The following ATF7IP variants were observed in gnomAD, a reference collection of about 807,000 sequenced individuals.
ATF7IP encodes activating transcription factor 7-interacting protein 1.
ATF7IP carries 23 observed loss-of-function variants against 106.4 expected under a neutral mutation model. That is an observed-to-expected ratio of 0.22 (90% CI 0.16 to 0.31). The LOEUF (loss-of-function observed/expected upper bound fraction) is 0.31. Among genes scored for constraint, ATF7IP ranks in the 10% least tolerant of loss-of-function variants. The pLI is 1.00. For missense variants in ATF7IP, 1,334 were observed against 1,524.3 expected (o/e 0.88, Z 2.08); for synonymous variants, 542 against 539.0 (o/e 1.01, Z -0.08).
chr12:14,479,101 G>T (rs989159020), intron 12 of ATF7IP, among the ~76,000 whole-genome samples: 2 of 152,172 alleles, frequency 1.3e-5, no homozygotes, highest in African/African-American at 4.8e-5. Context: ...GGGCAACACA[G>T]TGAAACCCCG....
At chr12:14,387,421 A>T (rs897576794) in intron 1 of ATF7IP, among the ~76,000 whole-genome samples, 8 of 152,048 alleles carry the variant, frequency 5.3e-5, no homozygotes, top group African/African-American at 1.9e-4. Flanking sequence ...AAATATGTGT[A>T]TTTCAAAACA....
At chr12:14,490,698 T>C (rs1376891184) in intron 13 of ATF7IP, among the ~76,000 whole-genome samples, 2 of 152,142 alleles carry the variant, frequency 1.3e-5, no homozygotes, top group East Asian at 3.9e-4. Flanking sequence ...ATGAGGCCAT[T>C]GGTGCAGGCT....
chr12:14,488,669 C>G (rs564398802), intron 13 of ATF7IP, among the ~76,000 whole-genome samples: 132 of 152,282 alleles, frequency 8.7e-4, no homozygotes, highest in South Asian at 2.1e-3. Context: ...GCTTGTCAAC[C>G]TGAACCCATA....
Position 14,424,661 on chromosome 12 carries a change from C to G in ATF7IP, c.746C>G (p.Pro249Arg). The change falls in exon 2 of 15, where the codon CCA becomes CGA. Residue 249 changes from proline (P) to arginine (R), a missense_variant. Transcript: ENST00000261168. The part of the protein sequence containing the change: ...LASGAPASTD[P>R]ASDDLASGDL... Reference sequence around the variant, plus strand: ...TCTGGAGCACCAGCTTCCACTGATCCAGCCTCTGATGATCTGGCCTCTGGT... The same window carrying G: ...TCTGGAGCACCAGCTTCCACTGATCGAGCCTCTGATGATCTGGCCTCTGGT... 6.2e-7 allele frequency: 1 copy of G among 1,614,080 alleles called. No homozygotes were observed. Among genetic ancestry groups the G allele is most frequent in the Non-Finnish European group, 8.5e-7 (1 of 1,180,016 alleles).
Position 14,460,832 on chromosome 12 carries a change from A to C in ATF7IP, c.2496A>C (p.Pro832=). The change falls in exon 9 of 15, where the codon CCA becomes CCC. Residue 832 remains proline, a synonymous_variant. Coordinates refer to ENST00000261168, the MANE Select transcript of ATF7IP (RefSeq NM_018179.5). ...CAGTGAGTGGTCTTACCAAAAATCC[A>C]GTATCCTTGCCATCCTTGCCAAATC... ...PPTVSGLTKN[P]VSLPSLPNPT... 6.2e-7 allele frequency: 1 copy of C among 1,614,214 alleles called. No homozygotes were observed. The highest frequency in any genetic ancestry group is 8.5e-7 in the Non-Finnish European group (1 of 1,180,036).
Position 14,461,110 on chromosome 12 carries a change from A to G in ATF7IP, c.2774A>G (p.Asn925Ser). The change falls in exon 9 of 15, where the codon AAC becomes AGC. Residue 925 changes from asparagine (N) to serine (S), a missense_variant. This residue lies in a region of ATF7IP where 370 missense variants were observed against 401.2 expected (regional missense o/e 0.92). Transcript: ENST00000261168. ...AGTACTTCGTCTGCTGCAGAACAGAACAGCAATACCACCCCAAGAATTGGT... is the reference window on the plus strand; with the variant it reads ...AGTACTTCGTCTGCTGCAGAACAGAGCAGCAATACCACCCCAAGAATTGGT... ...AFSTSSAAEQ[N>S]SNTTPRIENQ... The G allele has an allele frequency of 6.2e-7, 1 of 1,613,088 alleles. No individual in the cohort carries two copies. The highest frequency in any genetic ancestry group is 1.1e-5 in the South Asian group (1 of 91,046).
intron 1 of ATF7IP, among the ~76,000 whole-genome samples, chr12:14,415,858 T>C: frequency 6.6e-6 from 1 of 152,178 alleles, no homozygotes; most frequent in Non-Finnish European, 1.5e-5. Context: ...CAGCAATATG[T>C]GCATAGGTTA....
At chr12:14,451,800 A>G (rs573688180) in intron 6 of ATF7IP, among the ~76,000 whole-genome samples, 40 of 152,258 alleles carry the variant, frequency 2.6e-4, no homozygotes, top group African/African-American at 7.9e-4. Flanking sequence ...AGAATTTTCT[A>G]TGTGCTCTTG....
intron 6 of ATF7IP, among the ~76,000 whole-genome samples, chr12:14,453,524 A>G (rs1943287804): frequency 6.6e-6 from 1 of 151,678 alleles, no homozygotes; most frequent in South Asian, 2.1e-4. Context: ...GTATTATGAT[A>G]CGTTTTTACA....
intron 10 of ATF7IP, among the ~76,000 whole-genome samples, chr12:14,468,493 T>A (rs1943918665): frequency 7.0e-6 from 1 of 143,226 alleles, no homozygotes; most frequent in Non-Finnish European, 1.5e-5. Context: ...AGAAGAAACT[T>A]AAAAAAAAAA....
At chr12:14,466,198 G>A (rs1943827180) in intron 9 of ATF7IP, 1 of 192,100 alleles carries the variant, frequency 5.2e-6, no homozygotes, top group Non-Finnish European at 1.1e-5. Context: ...AACATAGTGT[G>A]GAGGAATTAT....
At position 14,456,504 on chromosome 12, in the gene ATF7IP, T is replaced by A. The variant is rs1025255592; in HGVS notation, c.1996-57T>A. On this transcript the variant is annotated intron_variant, in intron 6 of 14. Transcript: ENST00000261168. ...GGCATCTACAGGTCTAATTTTTTTTTAAAGATTCCCTGTGTGTTGAGTTTT... is the reference window on the plus strand; with the variant it reads ...GGCATCTACAGGTCTAATTTTTTTTAAAAGATTCCCTGTGTGTTGAGTTTT... 8 of 1,276,478 alleles carry A rather than the reference T, an allele frequency of 6.3e-6. No homozygotes were observed. The East Asian group carries it at 7.0e-5, about 11-fold the overall frequency. The allele number at this position is 1,276,478 out of a possible 1,614,324, so 79.1% of individuals were successfully genotyped here.
chr12:14,471,841 G>T (rs1944056488), intron 10 of ATF7IP, among the ~76,000 whole-genome samples: 1 of 152,074 alleles, frequency 6.6e-6, no homozygotes, highest in Non-Finnish European at 1.5e-5. Context: ...ATGACATTTG[G>T]GTGGAGACAT....
chr12:14,444,463 A>G (rs1441989915), intron 5 of ATF7IP, among the ~76,000 whole-genome samples: 1 of 152,172 alleles, frequency 6.6e-6, no homozygotes, highest in Non-Finnish European at 1.5e-5. Context: ...CTAGTTTCCC[A>G]AATAAAACCC....
intron 2 of ATF7IP, among the ~76,000 whole-genome samples, chr12:14,433,247 C>G (rs752323236): frequency 6.6e-6 from 1 of 152,064 alleles, no homozygotes; most frequent in Non-Finnish European, 1.5e-5. Flanking sequence ...TGGCTTATGC[C>G]TGTAATCTCA....
At chr12:14,497,320 T>C (rs1945041389) in intron 14 of ATF7IP, among the ~76,000 whole-genome samples, 2 of 152,200 alleles carry the variant, frequency 1.3e-5, no homozygotes, top group African/African-American at 4.8e-5. Context: ...CATAGATAAT[T>C]CAATCATAAA....
At chr12:14,401,313 C>G (rs1318791438) in intron 1 of ATF7IP, among the ~76,000 whole-genome samples, 6 of 151,958 alleles carry the variant, frequency 3.9e-5, no homozygotes, top group African/African-American at 1.5e-4. Flanking sequence ...TCTCCTGCCT[C>G]AGCTTCCTGA....
intron 8 of ATF7IP, among the ~76,000 whole-genome samples, chr12:14,458,212 G>A (rs1390431925): frequency 7.1e-6 from 1 of 141,812 alleles, no homozygotes; most frequent in Non-Finnish European, 1.6e-5. Flanking sequence ...CTTAAAAATA[G>A]CAGCACAAAG....
rs1164643010 is a variant in ATF7IP, at chr12:14,473,289, T to TGTA, written c.2863-2601_2863-2600insGTA. Among the ~76,000 whole-genome samples, 10 of 16,500 alleles carry TGTA rather than the reference T, an allele frequency of 6.1e-4. No homozygotes were observed. The African/African-American group carries it at 7.6e-3, about 13-fold the overall frequency. The allele number at this position is 16,500 out of a possible 152,430, so 10.8% of individuals were successfully genotyped here. Reference sequence around the variant, plus strand: ...CTTTTTAGCGCGCTCTCTCTCTCTCTCTGTGTGTGTGTGTGTGTGTGTGTG... The same window carrying TGTA: ...CTTTTTAGCGCGCTCTCTCTCTCTCTGTACTGTGTGTGTGTGTGTGTGTGTGTG... On this transcript the variant is annotated intron_variant, in intron 10 of 14. Transcript: ENST00000261168.
Sources: gnomAD v4.1 joint callset for allele counts (sites outside exome capture counted in the v4.1 genomes callset) on GRCh38, gnomAD v4.1.1 for gene constraint, gnomAD v4.1.1 regional missense constraint, MANE v1.5 for transcripts, NCBI Gene and HGNC (gene_info 2026-07-23, HGNC 2026-07-21) for gene names.